Variants in CDH23 observed in about 807,000 individuals in gnomAD.
CDH23 encodes cadherin-23.
Under a neutral mutation model 317.1 loss-of-function variants are expected in CDH23, and 189 were observed. The ratio of observed to expected loss-of-function variants is 0.60; its 90% CI spans 0.53 to 0.67. The LOEUF is 0.67. Among genes scored for constraint, CDH23 ranks in the 30% least tolerant of loss-of-function variants. The pLI, the probability that CDH23 is intolerant of heterozygous loss-of-function variation, is 0.00. For missense variants in CDH23, 4,401 were observed against 4,592.4 expected, an observed-to-expected ratio of 0.96 and a Z score of 1.20; for synonymous variants, 1,839 against 1,876.8, an observed-to-expected ratio of 0.98 and a Z score of 0.52.
chr10:71,734,182 GAC>G, intron 32 of CDH23, 56 bp from the exon 33 acceptor site: 2 of 1,419,496 alleles, frequency 1.4e-6, no homozygotes, highest in Non-Finnish European at 2.0e-6. Context: ...TGGGCAGAAT[GAC>G]CAGGGTTAAC....
chr10:71,694,102 T>C, intron 20 of CDH23, 45 bp from the exon 21 acceptor site: 1 of 1,122,836 alleles, frequency 8.9e-7, no homozygotes, highest in Non-Finnish European at 1.3e-6. Context: ...CCTCTCTCCC[T>C]GGCCCACCCA....
At position 71,705,465 on chromosome 10, in the gene CDH23, G is replaced by A. The variant is rs1865751770; in HGVS notation, c.2953+335G>A. Among the ~76,000 whole-genome samples the A allele has an allele frequency of 5.9e-5, 9 of 152,350 alleles. No homozygotes were observed. In the South Asian group the frequency reaches 1.9e-3, roughly 32 times the overall value. ...CCGGGACCCTCAGGGTCATGAACAG[G>A]CAGGGAGGGTGCAGAGCCCTTTGTC... On this transcript the variant is annotated intron_variant, in intron 25 of 69. Coordinates refer to ENST00000224721, the MANE Select transcript of CDH23 (RefSeq NM_022124.6).
intron 6 of CDH23, among the ~76,000 whole-genome samples, chr10:71,550,559 C>CAAAAAAAAAAAA (rs1222399834): frequency 2.2e-5 from 1 of 45,742 alleles, no homozygotes; most frequent in African/African-American, 9.2e-5. Context: ...GACCCTGTCT[C>CAAAAAAAAAAAA]AAAAAAAAAA....
intron 31 of CDH23, 147 bp downstream of exon 31, chr10:71,730,751 T>C: frequency 1.7e-6 from 2 of 1,196,650 alleles, no homozygotes; most frequent in Non-Finnish European, 2.3e-6. Context: ...GCTGGGATGG[T>C]CTTGATCACT....
At chr10:71,594,295 TTTTC>T (rs1043788979) in intron 9 of CDH23, among the ~76,000 whole-genome samples, 1 of 152,104 alleles carries the variant, frequency 6.6e-6, no homozygotes, top group Non-Finnish European at 1.5e-5. Context: ...TGGAAATTTG[TTTTC>T]TTTCTTCCTT....
intron 11 of CDH23, among the ~76,000 whole-genome samples, chr10:71,623,791 G>T (rs1461371282): frequency 6.6e-6 from 1 of 152,184 alleles, no homozygotes; most frequent in African/African-American, 2.4e-5. Flanking sequence ...AGGACACTGA[G>T]TTGGCCCCTT....
At chr10:71,790,149 C>G (rs1841206023) in intron 45 of CDH23, 139 bp from the exon 46 acceptor site, 1 of 1,216,422 alleles carries the variant, frequency 8.2e-7, no homozygotes, top group South Asian at 1.6e-5. Flanking sequence ...GGCCCGCCCC[C>G]AGGGCCTCCC....
At chr10:71,805,684 G>T in intron 55 of CDH23, 122 bp from the exon 56 acceptor site, 1 of 972,740 alleles carries the variant, frequency 1.0e-6, no homozygotes. Flanking sequence ...CGCTCCTGGC[G>T]GGTGCTGTAA....
intron 8 of CDH23, among the ~76,000 whole-genome samples, chr10:71,575,141 T>A (rs1006323646): frequency 7.9e-5 from 12 of 152,214 alleles, no homozygotes; most frequent in African/African-American, 2.9e-4. Context: ...GTCCTCACAA[T>A]GCACAGAAAG....
intron 6 of CDH23, among the ~76,000 whole-genome samples, chr10:71,515,394 TCACA>T (rs377079980): frequency 0.015 from 402 of 26,672 alleles, 5 homozygotes; most frequent in South Asian, 0.036. Context: ...TCTCTCTCTC[TCACA>T]CACACACACA....
chr10:71,595,585 T>G (rs1323804768), intron 9 of CDH23, among the ~76,000 whole-genome samples: 1 of 152,166 alleles, frequency 6.6e-6, no homozygotes, highest in Non-Finnish European at 1.5e-5. Flanking sequence ...CCCCCCATGG[T>G]AACCACTGAA....
At chr10:71,456,410 G>T (rs10999818) in intron 3 of CDH23, among the ~76,000 whole-genome samples, 1 of 143,794 alleles carries the variant, frequency 7.0e-6, no homozygotes, top group African/African-American at 3.0e-5. Flanking sequence ...TAAGGTGATA[G>T]AACAGACTGT....
At chr10:71,532,430 C>G (rs991748504) in intron 6 of CDH23, among the ~76,000 whole-genome samples, 2 of 152,200 alleles carry the variant, frequency 1.3e-5, no homozygotes, top group Non-Finnish European at 2.9e-5. Flanking sequence ...TTTAGGAGCA[C>G]TGAGCGTCAG....
At chr10:71,763,043 A>T (rs1361923427) in intron 38 of CDH23, among the ~76,000 whole-genome samples, 1 of 152,240 alleles carries the variant, frequency 6.6e-6, no homozygotes, top group African/African-American at 2.4e-5. Flanking sequence ...GCAGTGAGAA[A>T]ACTATTGGCT....
In CDH23 at chr10:71,669,044, T is replaced by C. The variant is rs1039424197; in HGVS notation, c.1450-6068T>C. ...GCACTAGGGAGCAGCCAGTCTCGGC[T>C]GCACCCTCTCCCCCACATGCTGACT... is the stretch of plus-strand genomic sequence containing the variant. On this transcript the variant is annotated intron_variant, in intron 14 of 69. Coordinates refer to ENST00000224721, the MANE Select transcript of CDH23 (RefSeq NM_022124.6). Among the ~76,000 whole-genome samples the C allele has an allele frequency of 2.6e-5, 4 of 152,232 alleles. 1 individual carries two copies. The highest frequency in any genetic ancestry group is 9.6e-5 in the African/African-American group (4 of 41,462).
At chr10:71,797,547 G>A (rs544286696) in intron 49 of CDH23, among the ~76,000 whole-genome samples, 1 of 152,372 alleles carries the variant, frequency 6.6e-6, no homozygotes, top group Non-Finnish European at 1.5e-5. Context: ...CTTAGGTTCA[G>A]CCAGCAGAAC....
rs187099930 is a variant in CDH23, at chr10:71,536,750, G to A, written c.429+25538G>A. On this transcript the variant is annotated intron_variant, in intron 6 of 69. Coordinates refer to ENST00000224721, the MANE Select transcript of CDH23 (RefSeq NM_022124.6). ...CTGGATATGTGATGTGATGGGGAAA[G>A]GTCTTCAGGAGAAGGTCACAATGAA... 1.2e-3 allele frequency among the ~76,000 whole-genome samples: 179 copies of A among 152,222 alleles called. 2 individuals are homozygous for A. The highest frequency in any genetic ancestry group is 1.9e-3 in the Non-Finnish European group (131 of 68,016).
In CDH23 at chr10:71,731,961, T is replaced by C. The variant is rs370140191; in HGVS notation, c.3716-26T>C. Reference sequence around the variant, plus strand: ...AGCCCCACTCAGTTCTATCTGGGACTGCACAGCCTCTGTGTCCTCCTACAG... The same window carrying C: ...AGCCCCACTCAGTTCTATCTGGGACCGCACAGCCTCTGTGTCCTCCTACAG... On this transcript the variant is annotated intron_variant, in intron 31 of 69. Transcript: ENST00000224721. 4.4e-4 allele frequency: 703 copies of C among 1,606,072 alleles called. 4 individuals carry two copies. Among genetic ancestry groups the C allele is most frequent in the Admixed American group, 5.9e-4 (35 of 59,648 alleles).
chr10:71,504,122 A>C (rs540150167), intron 3 of CDH23, among the ~76,000 whole-genome samples: 185 of 152,290 alleles, frequency 1.2e-3, no homozygotes, highest in African/African-American at 4.1e-3. Flanking sequence ...AGTAGTGTTA[A>C]GCACATTGAC....
Sources: allele counts gnomAD v4.1 joint callset (sites outside exome capture counted in the v4.1 genomes callset), GRCh38; gene constraint gnomAD v4.1.1; transcripts MANE v1.5; gene names NCBI Gene and HGNC (gene_info 2026-07-23, HGNC 2026-07-21).